Variants in MDGA1 observed in about 807,000 individuals in gnomAD.
MDGA1 encodes MAM domain containing glycosylphosphatidylinositol anchor 1, also known as MAM domain-containing glycosylphosphatidylinositol anchor protein 1.
Under a neutral mutation model 101.5 loss-of-function variants are expected in MDGA1, and 54 were observed. The ratio of observed to expected loss-of-function variants is 0.53; its 90% CI spans 0.43 to 0.67. The LOEUF is 0.67. Ranked by LOEUF, MDGA1 falls within the 30% of genes least tolerant of loss-of-function variation. MDGA1 has a pLI of 0.00. For missense variants in MDGA1, 1,083 were observed against 1,323.8 expected (o/e 0.82, Z 2.82); for synonymous variants, 533 against 558.3 (o/e 0.95, Z 0.64).
intron 3 of MDGA1, among the ~76,000 whole-genome samples, chr6:37,656,676 A>T (rs1194526096): frequency 6.6e-6 from 1 of 152,190 alleles, no homozygotes; most frequent in Non-Finnish European, 1.5e-5. Context: ...TCCGGCCAAG[A>T]CAACAGGACT....
chr6:37,673,682 T>G (rs74849102), intron 1 of MDGA1, among the ~76,000 whole-genome samples: 2,866 of 151,958 alleles, frequency 0.019, 39 homozygotes, highest in Middle Eastern at 0.071. Context: ...CTGTCCTCTG[T>G]TCACCACCAG....
Position 37,652,044 on chromosome 6 carries a change from G to C in MDGA1, c.1279C>G (p.Leu427Val), listed in dbSNP as rs1398390349. Residue 427 changes from leucine (L) to valine (V), a missense_variant, in exon 7 of 17, where the codon CTC becomes GTC. Coordinates refer to ENST00000434837, the MANE Select transcript of MDGA1 (RefSeq NM_153487.4). The surrounding 1 kb of genome is among the most constrained non-coding windows in gnomAD (Gnocchi z 4.3). Reference protein sequence around the residue: ...ASFPGAPVPDLSVEVNISSET... With the variant: ...ASFPGAPVPDVSVEVNISSET... ...GAGGAGATGTTGACCTCGACGCTGA[G>C]GTCGGGCACGGGTGCCCCTGGGAAA... 1 of 1,608,370 alleles carries C rather than the reference G, an allele frequency of 6.2e-7. No homozygotes were observed. The highest frequency in any genetic ancestry group is 1.7e-5 in the Admixed American group (1 of 59,904).
intron 1 of MDGA1, among the ~76,000 whole-genome samples, chr6:37,678,841 T>C (rs1056980626): frequency 1.3e-5 from 2 of 150,396 alleles, no homozygotes; most frequent in Admixed American, 1.3e-4. Context: ...CTGCTATGCA[T>C]GTTCGTAACA....
chr6:37,673,742 G>T (rs1581618602), intron 1 of MDGA1, among the ~76,000 whole-genome samples: 2 of 152,176 alleles, frequency 1.3e-5, no homozygotes, highest in African/African-American at 4.8e-5. Context: ...GCTGGGGGAG[G>T]CTCCAGTTCT....
At chr6:37,642,231 G>A (rs1200703991) in intron 14 of MDGA1, among the ~76,000 whole-genome samples, 1 of 143,604 alleles carries the variant, frequency 7.0e-6, no homozygotes, top group Non-Finnish European at 1.5e-5. Context: ...CAGGCTGGGA[G>A]TGCAGTGGCG....
intron 7 of MDGA1, among the ~76,000 whole-genome samples, chr6:37,651,453 A>C (rs1214220730): frequency 6.6e-6 from 1 of 152,090 alleles, no homozygotes; most frequent in Non-Finnish European, 1.5e-5. Flanking sequence ...TATAATATAT[A>C]CTCTATAAAC....
rs1378752827 is a variant in MDGA1 at position 37,654,839 on chromosome 6, G to T, written c.673C>A (p.Pro225Thr). 6.2e-6 allele frequency: 10 copies of T among 1,613,652 alleles called. No homozygotes were observed. The Middle Eastern group carries it at 4.9e-4, about 80-fold the overall frequency. ...QVSVRNVCGI[P>T]DKAITFRLTN... is the part of the protein sequence containing the mutation. ...AGCCGGAAGGTGATGGCCTTGTCTG[G>T]GATGCCGCACACGTTACGCACAGAC... Residue 225 changes from proline (P) to threonine (T), a missense_variant, in exon 5 of 17, where the codon CCA becomes ACA. This residue lies in a region of MDGA1 where 310 missense variants were observed against 355.9 expected (regional missense o/e 0.87). Coordinates refer to ENST00000434837, the MANE Select transcript of MDGA1 (RefSeq NM_153487.4).
Position 37,652,880 on chromosome 6 carries a change from G to A in MDGA1, c.983-540C>T, listed in dbSNP as rs2114025820. Among the ~76,000 whole-genome samples, 1 of 152,364 alleles carries A rather than the reference G, an allele frequency of 6.6e-6. No homozygotes were observed. Among genetic ancestry groups the A allele is most frequent in the Non-Finnish European group, 1.5e-5 (1 of 68,040 alleles). On this transcript the variant is annotated intron_variant, in intron 6 of 16. Coordinates refer to ENST00000434837, the MANE Select transcript of MDGA1 (RefSeq NM_153487.4). This position sits in a 1 kb window ranked among gnomAD's most constrained non-coding sequence, Gnocchi z 4.3. ...GTGGTTCTATCTAGAGAGTGGAACT[G>A]AGGAGAATTGACAATTGAATTCTTA...
chr6:37,661,697 A>G (rs1761627149), intron 2 of MDGA1, among the ~76,000 whole-genome samples: 1 of 152,174 alleles, frequency 6.6e-6, no homozygotes, highest in Non-Finnish European at 1.5e-5. Context: ...GGGAGATCAG[A>G]CAAGAGAGGC....
chr6:37,645,425 T>C (rs557611737), intron 12 of MDGA1, among the ~76,000 whole-genome samples: 1 of 152,086 alleles, frequency 6.6e-6, no homozygotes, highest in Non-Finnish European at 1.5e-5. Flanking sequence ...TCCCAGCTAC[T>C]TGGGAGGCTG....
At chr6:37,662,212 G>A (rs1372999521) in intron 2 of MDGA1, among the ~76,000 whole-genome samples, 3 of 151,506 alleles carry the variant, frequency 2.0e-5, no homozygotes, top group Admixed American at 2.0e-4. Context: ...GAGATTGGGA[G>A]GTCAGTTTAG....
chr6:37,655,853 A>G lies in MDGA1; in HGVS notation c.426T>C (p.Asp142=), dbSNP rs1003375253. 1.2e-6 allele frequency: 2 copies of G among 1,613,622 alleles called. No homozygotes were observed. Among genetic ancestry groups the G allele is most frequent in the East Asian group, 4.5e-5 (2 of 44,860 alleles). Residue 142 remains aspartate, a synonymous_variant, in exon 4 of 17, where the codon GAT becomes GAC. Transcript: ENST00000434837. The surrounding 1 kb of genome is among the most constrained non-coding windows in gnomAD (Gnocchi z 5.1). ...PMLTVHQTVS[D]VRGNFYQEKT... is the part of the protein sequence containing the mutation. ...TCTCCTGGTAGAAGTTGCCTCGCAC[A>G]TCGCTCACCGTCTGGTGCACCGTCA... is the stretch of plus-strand genomic sequence containing the variant.
rs1199392936 is a variant in MDGA1, at chr6:37,697,792, G to C, written c.-981C>G. ...GCCTTGGCCTGCGGGGGCCCAGAGC[G>C]GGCGGGGCCGGGCCGGGCTCCGGGG... On this transcript the variant is annotated 5_prime_UTR_variant, in exon 1 of 17. Coordinates refer to ENST00000434837, the MANE Select transcript of MDGA1 (RefSeq NM_153487.4). 1 of 149,050 alleles carries C rather than the reference G, an allele frequency of 6.7e-6. No individual in the cohort carries two copies. Among genetic ancestry groups the C allele is most frequent in the Non-Finnish European group, 1.5e-5 (1 of 66,892 alleles). 9.2% of individuals were successfully genotyped at this position (149,050 alleles called of 1,614,324 possible).
rs558625235 is a variant in MDGA1 at position 37,649,033 on chromosome 6, A to T, written c.1843T>A (p.Cys615Ser). The change falls in exon 9 of 17, where the codon TGC (cysteine) becomes AGC (serine). Residue 615 changes from cysteine (C) to serine (S), a missense_variant. Cys to Ser is a moderately radical substitution (Grantham distance 112). Coordinates refer to ENST00000434837, the MANE Select transcript of MDGA1 (RefSeq NM_153487.4). ...VTRDSSGSYE[C>S]SVSNDVGSAA... Reference sequence around the variant, plus strand: ...GAGCCCACATCGTTGGAGACGCTGCACTCGTAGCTGCCGCTGCTGTCGCGA... The same window carrying T: ...GAGCCCACATCGTTGGAGACGCTGCTCTCGTAGCTGCCGCTGCTGTCGCGA... The T allele has an allele frequency of 1.3e-6, 2 of 1,547,660 alleles. No individual in the cohort carries two copies. The highest frequency in any genetic ancestry group is 1.7e-6 in the Non-Finnish European group (2 of 1,146,858).
chr6:37,637,381 G>T lies in MDGA1; in HGVS notation c.2855C>A (p.Ala952Glu). ...LWGPMAIFLL[A>E]LQR ...ACACAGCTCTCATCATCTCTGCAAC[G>T]CCAAGAGGAAGATGGCCATGGGCCC... The change falls in exon 17 of 17, where the codon GCG (alanine) becomes GAG (glutamate). Residue 952 changes from alanine (A) to glutamate (E), a missense_variant. Coordinates refer to ENST00000434837, the MANE Select transcript of MDGA1 (RefSeq NM_153487.4). 6.2e-7 allele frequency: 1 copy of T among 1,613,420 alleles called. No individual in the cohort carries two copies. The highest frequency in any genetic ancestry group is 8.5e-7 in the Non-Finnish European group (1 of 1,179,540).
chr6:37,641,966 G>A (rs1215892849), intron 14 of MDGA1: 1 of 152,124 alleles, frequency 6.6e-6, no homozygotes, highest in Non-Finnish European at 1.5e-5. Flanking sequence ...ACTTCTCCAC[G>A]ATGAGCCTTT....
At chr6:37,637,571 G>A (rs1763957976) in intron 16 of MDGA1, 112 bp from the exon 17 acceptor site, 3 of 872,124 alleles carry the variant, frequency 3.4e-6, no homozygotes, top group Non-Finnish European at 1.8e-6. Context: ...TGGAGGGCCT[G>A]AGGGTGGGCA....
rs114823699 is a variant in MDGA1, at chr6:37,635,400, C to T, written c.*1968G>A. 3.5e-3 allele frequency: 1,374 copies of T among 398,242 alleles called. 12 individuals are homozygous for T. Among genetic ancestry groups the T allele is most frequent in the African/African-American group, 0.023 (1,143 of 48,724 alleles). 24.7% of individuals were successfully genotyped at this position (398,242 alleles called of 1,614,324 possible). ...GGCAATGGACTCTGCACAGATGGGA[C>T]AGTTAAGGAACAATACCCGACAGAC... On this transcript the variant is annotated 3_prime_UTR_variant, in exon 17 of 17. Coordinates refer to ENST00000434837, the MANE Select transcript of MDGA1 (RefSeq NM_153487.4).
chr6:37,691,555 C>T (rs1183915293), intron 1 of MDGA1, among the ~76,000 whole-genome samples: 3 of 152,188 alleles, frequency 2.0e-5, no homozygotes, highest in African/African-American at 7.2e-5. Context: ...GGTTTACTTT[C>T]TTTCTTTATA....
Sources: allele counts gnomAD v4.1 joint callset (sites outside exome capture counted in the v4.1 genomes callset), GRCh38; gene constraint gnomAD v4.1.1; regional missense constraint gnomAD v4.1.1; non-coding constraint Gnocchi (gnomAD v3.1); transcripts MANE v1.5; gene names NCBI Gene and HGNC (gene_info 2026-07-23, HGNC 2026-07-21).